Variants in RBFOX1 observed in about 807,000 individuals in gnomAD.
The protein encoded by RBFOX1 is RNA binding fox-1 homolog 1, also known as RNA binding protein fox-1 homolog 1.
RBFOX1 carries 8 observed loss-of-function variants against 57.7 expected under a neutral mutation model. That is an observed-to-expected ratio of 0.14 (90% CI 0.08 to 0.25). The LOEUF (loss-of-function observed/expected upper bound fraction) is 0.25, where lower values mean the gene tolerates loss of function less well. RBFOX1 is among the 10% of genes least tolerant of loss of function. RBFOX1 has a pLI of 1.00. For missense variants in RBFOX1, 611 were observed against 548.5 expected (o/e 1.11, Z -1.14); for synonymous variants, 326 against 222.4 (o/e 1.47, Z -4.15).
At chr16:5,917,170 T>C (rs1032324348) in intron 4 of RBFOX1, among the ~76,000 whole-genome samples, 1 of 152,184 alleles carries the variant, frequency 6.6e-6, no homozygotes, top group African/African-American at 2.4e-5. Flanking sequence ...CACCACAGGA[T>C]GCCAGGCTGT....
At chr16:6,686,880 G>T (rs1158629370) in intron 3 of RBFOX1, among the ~76,000 whole-genome samples, 1 of 152,184 alleles carries the variant, frequency 6.6e-6, no homozygotes, top group African/African-American at 2.4e-5. Flanking sequence ...TTAAGACAAT[G>T]ATAATCTTCC....
chr16:5,649,965 G>C (rs1273412014), intron 3 of RBFOX1, among the ~76,000 whole-genome samples: 2 of 152,190 alleles, frequency 1.3e-5, no homozygotes, highest in Non-Finnish European at 2.9e-5. Context: ...GGAACACGCG[G>C]GGAGGTCGGC....
intron 2 of RBFOX1, among the ~76,000 whole-genome samples, chr16:6,628,853 A>C (rs910697851): frequency 6.7e-6 from 1 of 149,026 alleles, no homozygotes; most frequent in Non-Finnish European, 1.5e-5. Flanking sequence ...GTATGGTGAA[A>C]CCCCGTGTCT....
chr16:7,296,869 C>G (rs1003940770), intron 4 of RBFOX1, among the ~76,000 whole-genome samples: 1 of 152,144 alleles, frequency 6.6e-6, no homozygotes, highest in Admixed American at 6.5e-5. Flanking sequence ...AAGAGCCTAG[C>G]TTTGTGTCCC....
intron 3 of RBFOX1, among the ~76,000 whole-genome samples, chr16:6,893,350 A>G (rs2065972993): frequency 6.6e-6 from 1 of 152,190 alleles, no homozygotes; most frequent in South Asian, 2.1e-4. Flanking sequence ...CTAAAAATAC[A>G]CGATCAAGTC....
chr16:7,076,119 G>A (rs1468744348), intron 4 of RBFOX1, among the ~76,000 whole-genome samples: 1 of 149,146 alleles, frequency 6.7e-6, no homozygotes, highest in Non-Finnish European at 1.5e-5. Flanking sequence ...TCGGCTCACT[G>A]CAACCTCTGC....
intron 4 of RBFOX1, among the ~76,000 whole-genome samples, chr16:7,187,727 GAAAAGA>G (rs1230731390): frequency 1.0e-5 from 1 of 96,498 alleles, no homozygotes; most frequent in African/African-American, 5.4e-5. Flanking sequence ...AAAAAAAAAG[GAAAAGA>G]AAAGAAGCGC....
intron 4 of RBFOX1, among the ~76,000 whole-genome samples, chr16:5,912,643 T>A: frequency 6.6e-6 from 1 of 152,216 alleles, no homozygotes; most frequent in Admixed American, 6.5e-5. Context: ...AAAGTATAAT[T>A]ATTTCCTATT....
At chr16:7,462,254 A>G (rs563923899) in intron 4 of RBFOX1, among the ~76,000 whole-genome samples, 1 of 152,284 alleles carries the variant, frequency 6.6e-6, no homozygotes, top group East Asian at 1.9e-4. Context: ...ATCACCACAA[A>G]TTTAACAGAG....
intron 4 of RBFOX1, among the ~76,000 whole-genome samples, chr16:7,254,425 A>G (rs928426362): frequency 6.6e-6 from 1 of 152,118 alleles, no homozygotes; most frequent in Admixed American, 6.5e-5. Flanking sequence ...CATTGCCAAG[A>G]TATCACTGGC....
At chr16:6,425,162 A>G (rs2093888804) in intron 2 of RBFOX1, among the ~76,000 whole-genome samples, 1 of 152,140 alleles carries the variant, frequency 6.6e-6, no homozygotes, top group Non-Finnish European at 1.5e-5. Context: ...CTGAAATCTG[A>G]GTAGATAGAG....
chr16:6,865,775 C>G (rs192941405), intron 3 of RBFOX1, among the ~76,000 whole-genome samples: 4 of 152,114 alleles, frequency 2.6e-5, no homozygotes, highest in African/African-American at 4.8e-5. Context: ...TTTTTTCCTG[C>G]TTTATTTGTA....
At position 5,462,172 on chromosome 16, in the gene RBFOX1, T is replaced by C. The variant is rs926952076; in HGVS notation, c.220-5044T>C. 3.1e-4 allele frequency among the ~76,000 whole-genome samples: 44 copies of C among 143,814 alleles called. No individual in the cohort carries two copies. The East Asian group carries it at 5.7e-3, about 19-fold the overall frequency. The allele number at this position is 143,814 out of a possible 152,430, so 94.3% of individuals were successfully genotyped here. A position where few individuals can be genotyped will look rare whatever the true frequency, so the allele number is the denominator to read the frequency against. ...AGCGAGTTTCTTTCTTTCTTTCTTTTTTTTTTTTTTTTTTGAGATGGAGTC... is the reference window on the plus strand; with the variant it reads ...AGCGAGTTTCTTTCTTTCTTTCTTTCTTTTTTTTTTTTTTGAGATGGAGTC... On this transcript the variant is annotated intron_variant, in intron 1 of 2. Transcript: ENST00000585867.
intron 4 of RBFOX1, among the ~76,000 whole-genome samples, chr16:7,057,514 G>A (rs1316820955): frequency 6.6e-6 from 1 of 152,116 alleles, no homozygotes; most frequent in Non-Finnish European, 1.5e-5. Context: ...CTTTCCACCG[G>A]TATAGGGACT....
At chr16:7,665,504 C>T (rs147962080) in intron 13 of RBFOX1, among the ~76,000 whole-genome samples, 29 of 152,246 alleles carry the variant, frequency 1.9e-4, no homozygotes, top group East Asian at 1.4e-3. Context: ...ATTGAGCCCC[C>T]ATTTTCTTTA....
At chr16:6,182,906 C>G (rs2097075460) in intron 1 of RBFOX1, among the ~76,000 whole-genome samples, 2 of 152,092 alleles carry the variant, frequency 1.3e-5, no homozygotes, top group South Asian at 4.1e-4. Context: ...CTTTTATCAG[C>G]TTTGTAATGC....
In RBFOX1 at chr16:7,651,131, T is replaced by C. The variant is rs567406395; in HGVS notation, c.758-2684T>C. The stretch of plus-strand genomic sequence containing the variant: ...TACAAATAGAAAGACGGAATCATTC[T>C]GGGTTCTACAATCCTCGTATTTTAC... On this transcript the variant is annotated intron_variant, in intron 11 of 15. Coordinates refer to ENST00000550418, the MANE Select transcript of RBFOX1 (RefSeq NM_018723.4). Among the ~76,000 whole-genome samples the C allele has an allele frequency of 1.4e-4, 21 of 152,376 alleles. No individual in the cohort carries two copies. The South Asian group carries it at 4.3e-3, about 32-fold the overall frequency.
At chr16:5,671,242 A>G (rs2050003910) in intron 3 of RBFOX1, among the ~76,000 whole-genome samples, 1 of 152,244 alleles carries the variant, frequency 6.6e-6, no homozygotes, top group Admixed American at 6.5e-5. Context: ...CAAGAGAATA[A>G]AAGAGCTGGG....
intron 3 of RBFOX1, among the ~76,000 whole-genome samples, chr16:6,808,413 A>G (rs1567339175): frequency 6.6e-6 from 1 of 152,008 alleles, no homozygotes; most frequent in African/African-American, 2.4e-5. Flanking sequence ...ATGGAAGCAG[A>G]GTTCCTTTTC....
Sources: gnomAD v4.1 joint callset for allele counts (sites outside exome capture counted in the v4.1 genomes callset) on GRCh38, gnomAD v4.1.1 for gene constraint, MANE v1.5 for transcripts, NCBI Gene and HGNC (gene_info 2026-07-23, HGNC 2026-07-21) for gene names.